FAM171A1: variants seen among roughly 807,000 people sequenced by gnomAD.
FAM171A1 encodes family with sequence similarity 171 member A1, also known as protein FAM171A1.
Under a neutral mutation model 74.9 loss-of-function variants are expected in FAM171A1, and 23 were observed. That is an observed-to-expected ratio of 0.31 (90% CI 0.22 to 0.44). The LOEUF (loss-of-function observed/expected upper bound fraction) is 0.44, where lower values mean the gene tolerates loss of function less well. Among genes scored for constraint, FAM171A1 ranks in the 20% least tolerant of loss-of-function variants. The pLI is 1.00. For missense variants in FAM171A1, 1,162 were observed against 1,159.2 expected (o/e 1.00, Z -0.03); for synonymous variants, 527 against 505.7 (o/e 1.04, Z -0.57).
At chr10:15,279,598 A>G (rs545740419) in intron 2 of FAM171A1, among the ~76,000 whole-genome samples, 3 of 152,294 alleles carry the variant, frequency 2.0e-5, no homozygotes, top group South Asian at 2.1e-4. Flanking sequence ...TGACGCAGAA[A>G]ACAGTCCAGC....
intron 3 of FAM171A1, among the ~76,000 whole-genome samples, chr10:15,272,806 G>A (rs1038362932): frequency 2.0e-5 from 3 of 152,122 alleles, no homozygotes; most frequent in Non-Finnish European, 2.9e-5. Context: ...GGTACATAAC[G>A]AAATGAAGGC....
chr10:15,319,237 C>G (rs1200901368), intron 1 of FAM171A1, among the ~76,000 whole-genome samples: 1 of 152,122 alleles, frequency 6.6e-6, no homozygotes, highest in Non-Finnish European at 1.5e-5. Flanking sequence ...GTTGTTCATT[C>G]CAGCAGAAAA....
At chr10:15,269,831 T>C (rs545239352) in intron 3 of FAM171A1, among the ~76,000 whole-genome samples, 1 of 152,216 alleles carries the variant, frequency 6.6e-6, no homozygotes, top group Non-Finnish European at 1.5e-5. Flanking sequence ...CAAATTCAAA[T>C]GTGGTGTGCC....
chr10:15,227,844 G>T (rs1331986513), intron 5 of FAM171A1, among the ~76,000 whole-genome samples: 2 of 152,156 alleles, frequency 1.3e-5, no homozygotes, highest in African/African-American at 4.8e-5. Context: ...TCTTAATTTG[G>T]AAGCTACATT....
At chr10:15,239,412 T>G (rs1401456933) in intron 5 of FAM171A1, among the ~76,000 whole-genome samples, 1 of 152,136 alleles carries the variant, frequency 6.6e-6, no homozygotes, top group East Asian at 1.9e-4. Flanking sequence ...CAAGGGATTC[T>G]CAGCCTCCCA....
intron 1 of FAM171A1, among the ~76,000 whole-genome samples, chr10:15,320,456 G>C (rs957835604): frequency 6.6e-6 from 1 of 152,332 alleles, no homozygotes; most frequent in East Asian, 1.9e-4. Context: ...CTTTATGGCA[G>C]AACGATTTAT....
chr10:15,272,097 G>A (rs1443463537), intron 3 of FAM171A1, among the ~76,000 whole-genome samples: 1 of 152,138 alleles, frequency 6.6e-6, no homozygotes, highest in Admixed American at 6.6e-5. Context: ...AGGCACATTG[G>A]ATAAACAGTC....
intron 5 of FAM171A1, among the ~76,000 whole-genome samples, chr10:15,233,977 T>C (rs1834246775): frequency 6.6e-6 from 1 of 151,372 alleles, no homozygotes; most frequent in South Asian, 2.1e-4. Flanking sequence ...ACGTAAATGA[T>C]CACACTTAGG....
At chr10:15,355,081 T>C (rs910397163) in intron 1 of FAM171A1, among the ~76,000 whole-genome samples, 7 of 152,200 alleles carry the variant, frequency 4.6e-5, no homozygotes, top group Non-Finnish European at 8.8e-5. Flanking sequence ...GGGATTAAGA[T>C]ATGCTAGTTT....
chr10:15,352,031 C>T (rs1835885761), intron 1 of FAM171A1, among the ~76,000 whole-genome samples: 1 of 130,494 alleles, frequency 7.7e-6, no homozygotes, highest in Admixed American at 8.2e-5. Context: ...CTATTAAATA[C>T]AAAAATACAA....
intron 1 of FAM171A1, among the ~76,000 whole-genome samples, chr10:15,332,757 C>G (rs923375492): frequency 1.3e-5 from 2 of 152,134 alleles, no homozygotes; most frequent in African/African-American, 4.8e-5. Context: ...TTCTCTCATC[C>G]AGATCCTCTT....
Position 15,213,036 on chromosome 10 carries a change from T to TGG in FAM171A1, c.2550_2551dup (p.His851ProfsTer35). ...TTCCTCGTGGGCAGATCTTCTCTGG[T>TGG]GGGGGCTGGCTGCTGGCTCCGAGGG... On this transcript the variant is annotated frameshift_variant, in exon 8 of 8. Transcript: ENST00000378116. LOFTEE classifies it high-confidence loss of function. This position sits in a 1 kb window ranked among gnomAD's most constrained non-coding sequence, Gnocchi z 6.8. 1 of 1,614,000 alleles carries TGG rather than the reference T, an allele frequency of 6.2e-7. No individual in the cohort carries two copies. The highest frequency in any genetic ancestry group is 8.5e-7 in the Non-Finnish European group (1 of 1,180,004).
chr10:15,323,137 C>CA (rs71287331), intron 1 of FAM171A1, among the ~76,000 whole-genome samples: 16,744 of 109,072 alleles, frequency 0.15, 1,285 homozygotes, highest in African/African-American at 0.25. Context: ...AAGACTGTCT[C>CA]AAAAAAAAAA....
chr10:15,331,552 C>A (rs1217806337), intron 1 of FAM171A1, among the ~76,000 whole-genome samples: 2 of 151,920 alleles, frequency 1.3e-5, no homozygotes, highest in Non-Finnish European at 2.9e-5. Flanking sequence ...TCTGGACAAT[C>A]TAAAAAATGT....
chr10:15,277,725 ATAAGTGC>A (rs1834912034), intron 2 of FAM171A1, among the ~76,000 whole-genome samples: 2 of 152,220 alleles, frequency 1.3e-5, no homozygotes, highest in African/African-American at 4.8e-5. Context: ...GATCTAGAAG[ATAAGTGC>A]TAAGAAGATC....
intron 3 of FAM171A1, among the ~76,000 whole-genome samples, chr10:15,274,797 A>C (rs1834871928): frequency 6.6e-6 from 1 of 152,206 alleles, no homozygotes; most frequent in African/African-American, 2.4e-5. Flanking sequence ...ATGATTCCCT[A>C]TTTAATAAAT....
intron 1 of FAM171A1, among the ~76,000 whole-genome samples, chr10:15,293,225 G>T (rs1835123044): frequency 6.6e-6 from 1 of 152,064 alleles, no homozygotes; most frequent in Non-Finnish European, 1.5e-5. Context: ...AGGCATTTCT[G>T]GGTATCTTCT....
At chr10:15,226,608 A>G (rs1834110978) in intron 5 of FAM171A1, among the ~76,000 whole-genome samples, 1 of 152,160 alleles carries the variant, frequency 6.6e-6, no homozygotes, top group East Asian at 1.9e-4. Context: ...GGCCATTTAT[A>G]AAAATTCTAA....
intron 5 of FAM171A1, among the ~76,000 whole-genome samples, chr10:15,229,817 C>T (rs924398279): frequency 1.7e-4 from 3 of 17,818 alleles, no homozygotes; most frequent in Admixed American, 6.5e-4. Flanking sequence ...TCACCACCAC[C>T]ATCACCATCA....
Sources: allele counts gnomAD v4.1 joint callset (sites outside exome capture counted in the v4.1 genomes callset), GRCh38; gene constraint gnomAD v4.1.1; non-coding constraint Gnocchi (gnomAD v3.1); transcripts MANE v1.5; gene names NCBI Gene and HGNC (gene_info 2026-07-23, HGNC 2026-07-21).